ZEB1: variants seen among roughly 807,000 people sequenced by gnomAD.
ZEB1 encodes the protein zinc finger E-box-binding homeobox 1.
A neutral mutation model predicts 84.9 loss-of-function variants in ZEB1; 21 were observed. The ratio of observed to expected loss-of-function variants is 0.25; its 90% CI spans 0.18 to 0.36. ZEB1 has a LOEUF of 0.36. Among genes scored for constraint, ZEB1 ranks in the 10% least tolerant of loss-of-function variants. The pLI, the probability that ZEB1 is intolerant of heterozygous loss-of-function variation, is 1.00. For missense variants in ZEB1, 1,104 were observed against 1,330.2 expected (o/e 0.83, Z 2.65); for synonymous variants, 420 against 471.1 (o/e 0.89, Z 1.41).
intron 1 of ZEB1, among the ~76,000 whole-genome samples, chr10:31,438,507 A>G (rs554659161): frequency 6.6e-6 from 1 of 152,218 alleles, no homozygotes; most frequent in South Asian, 2.1e-4. Flanking sequence ...TATACCTCCT[A>G]TTCACCGTGA....
intron 2 of ZEB1, among the ~76,000 whole-genome samples, chr10:31,472,336 G>T (rs1024905504): frequency 6.6e-6 from 1 of 152,004 alleles, no homozygotes; most frequent in Non-Finnish European, 1.5e-5. Context: ...AAAAAAGAGA[G>T]AAGAATCAAA....
At chr10:31,358,891 G>T (rs779562337) in intron 1 of ZEB1, among the ~76,000 whole-genome samples, 3 of 152,086 alleles carry the variant, frequency 2.0e-5, no homozygotes, top group Admixed American at 6.6e-5. Context: ...GGCCAAAATG[G>T]TTTATGCTTC....
intron 8 of ZEB1, among the ~76,000 whole-genome samples, chr10:31,524,517 A>G (rs2073040514): frequency 6.6e-6 from 1 of 151,488 alleles, no homozygotes; most frequent in Non-Finnish European, 1.5e-5. Flanking sequence ...CCCAGAATTA[A>G]TTTTCTTATT....
chr10:31,352,519 T>C (rs1373771072), intron 1 of ZEB1, among the ~76,000 whole-genome samples: 2 of 152,218 alleles, frequency 1.3e-5, no homozygotes, highest in African/African-American at 2.4e-5. Flanking sequence ...TCTCATAATT[T>C]TGAGAGTTGA....
At chr10:31,513,557 G>A (rs1411092854) in intron 5 of ZEB1, among the ~76,000 whole-genome samples, 1 of 152,118 alleles carries the variant, frequency 6.6e-6, no homozygotes, top group Non-Finnish European at 1.5e-5. Flanking sequence ...TAGTGAAGTA[G>A]GACCTGATTC....
At chr10:31,366,446 C>T (rs971287561) in intron 1 of ZEB1, among the ~76,000 whole-genome samples, 10 of 152,154 alleles carry the variant, frequency 6.6e-5, no homozygotes, top group Admixed American at 2.6e-4. Flanking sequence ...TGAGCCACTG[C>T]GCCTGGCCAT....
chr10:31,475,488 A>G (rs1005745589), intron 2 of ZEB1, among the ~76,000 whole-genome samples: 2 of 152,184 alleles, frequency 1.3e-5, no homozygotes. Context: ...ACCAAGGCAT[A>G]TAGTCATTAG....
intron 1 of ZEB1, among the ~76,000 whole-genome samples, chr10:31,427,910 G>A (rs1236613907): frequency 6.6e-6 from 1 of 151,664 alleles, no homozygotes; most frequent in Non-Finnish European, 1.5e-5. Context: ...ATTTCTGTGG[G>A]GTCAGTGGTA....
intron 1 of ZEB1, among the ~76,000 whole-genome samples, chr10:31,336,881 T>C (rs539150323): frequency 1.3e-5 from 2 of 152,190 alleles, no homozygotes; most frequent in African/African-American, 2.4e-5. Context: ...CAGATGCTAA[T>C]GTAAGTAGGT....
chr10:31,511,719 T>C (rs1181013458), intron 5 of ZEB1, among the ~76,000 whole-genome samples: 1 of 152,194 alleles, frequency 6.6e-6, no homozygotes, highest in African/African-American at 2.4e-5. Context: ...GATGTATATC[T>C]ACATACCTGA....
intron 2 of ZEB1, among the ~76,000 whole-genome samples, chr10:31,461,688 G>A (rs1446224496): frequency 2.0e-5 from 3 of 152,044 alleles, no homozygotes; most frequent in South Asian, 4.1e-4. Context: ...TTTAAGTAAG[G>A]TGGTTTTTTC....
At chr10:31,489,353 GT>G (rs2066176764) in intron 2 of ZEB1, among the ~76,000 whole-genome samples, 1 of 151,146 alleles carries the variant, frequency 6.6e-6, no homozygotes, top group African/African-American at 2.4e-5. Flanking sequence ...TTTAAACTAT[GT>G]AATTATAATT....
intron 1 of ZEB1, among the ~76,000 whole-genome samples, chr10:31,390,467 C>A (rs1173633962): frequency 1.3e-5 from 2 of 152,166 alleles, no homozygotes; most frequent in African/African-American, 4.8e-5. Flanking sequence ...CATTTTACAT[C>A]TAAATTATTA....
chr10:31,499,880 TTGTA>T (rs2067862670), intron 3 of ZEB1, among the ~76,000 whole-genome samples: 1 of 152,094 alleles, frequency 6.6e-6, no homozygotes, highest in Non-Finnish European at 1.5e-5. Context: ...CGAATCTAAT[TTGTA>T]TGTTAAAAAA....
At chr10:31,477,426 G>C (rs890548821) in intron 2 of ZEB1, among the ~76,000 whole-genome samples, 2 of 151,914 alleles carry the variant, frequency 1.3e-5, no homozygotes, top group African/African-American at 4.8e-5. Flanking sequence ...TGTTAAAAAT[G>C]ACCACAATGC....
chr10:31,320,329 G>A (rs1213182318), intron 1 of ZEB1: 1 of 152,222 alleles, frequency 6.6e-6, no homozygotes, highest in African/African-American at 2.4e-5. Context: ...CCCCTCCCGG[G>A]GCAGACGAGG....
At chr10:31,448,783 G>A (rs2060137188) in intron 1 of ZEB1, among the ~76,000 whole-genome samples, 1 of 152,142 alleles carries the variant, frequency 6.6e-6, no homozygotes. Flanking sequence ...CAGATCTCCA[G>A]CTGCGTACTG....
chr10:31,447,428 T>C (rs1162798637), intron 1 of ZEB1, among the ~76,000 whole-genome samples: 4 of 129,544 alleles, frequency 3.1e-5, no homozygotes, highest in African/African-American at 1.2e-4. Flanking sequence ...AAAGTTAATA[T>C]TGTTATGTGT....
chr10:31,378,180 C>T (rs952568254), intron 1 of ZEB1, among the ~76,000 whole-genome samples: 2 of 151,434 alleles, frequency 1.3e-5, no homozygotes, highest in African/African-American at 2.4e-5. Flanking sequence ...CCTAAAAAGG[C>T]GGGAGAGTAT....
Sources: allele counts gnomAD v4.1 joint callset (sites outside exome capture counted in the v4.1 genomes callset), GRCh38; gene constraint gnomAD v4.1.1; transcripts MANE v1.5; gene names NCBI Gene and HGNC (gene_info 2026-07-23, HGNC 2026-07-21).